The following ATF6 variants were observed in gnomAD, a reference collection of about 807,000 sequenced individuals.
The protein encoded by ATF6 is cyclic AMP-dependent transcription factor ATF-6 alpha.
In ATF6, 53 loss-of-function variants were observed where a neutral mutation model predicts 83.6. The ratio of observed to expected loss-of-function variants is 0.63; its 90% CI spans 0.51 to 0.80. ATF6 has a LOEUF of 0.80. Among genes scored for constraint, ATF6 ranks in the 30% least tolerant of loss-of-function variants. The probability of loss-of-function intolerance (pLI) is 0.00; values close to 1 mark genes in which losing one functional copy is unlikely to be tolerated. For synonymous variants in ATF6, 288 were observed against 285.8 expected, an observed-to-expected ratio of 1.01 and a Z score of -0.08; for missense variants, 744 against 797.9, an observed-to-expected ratio of 0.93 and a Z score of 0.81.
At chr1:161,917,854 T>C (rs144059940) in intron 15 of ATF6, among the ~76,000 whole-genome samples, 4 of 152,194 alleles carry the variant, frequency 2.6e-5, no homozygotes, top group African/African-American at 9.7e-5. Flanking sequence ...TTGGAGCAAT[T>C]TGGATTTCAG....
At chr1:161,777,259 C>G (rs752545780) in intron 1 of ATF6, among the ~76,000 whole-genome samples, 1 of 152,166 alleles carries the variant, frequency 6.6e-6, no homozygotes. Flanking sequence ...AAGCCGCAGT[C>G]CTCTGCTTAT....
intron 7 of ATF6, among the ~76,000 whole-genome samples, chr1:161,818,100 CA>C (rs778851235): frequency 0.025 from 1,963 of 79,724 alleles, 32 homozygotes; most frequent in African/African-American, 0.079. Flanking sequence ...GACTCCATCT[CA>C]AAAAAAAAAA....
At chr1:161,926,894 A>C (rs1029426027) in intron 15 of ATF6, among the ~76,000 whole-genome samples, 21 of 148,302 alleles carry the variant, frequency 1.4e-4, no homozygotes, top group African/African-American at 4.9e-4. Flanking sequence ...CCACCATTCT[A>C]AATGTCAAGT....
intron 14 of ATF6, among the ~76,000 whole-genome samples, chr1:161,878,570 T>C (rs1187490593): frequency 2.0e-5 from 3 of 150,658 alleles, no homozygotes; most frequent in Admixed American, 6.6e-5. Flanking sequence ...AGATTTTGAA[T>C]TGGAGAAGGA....
chr1:161,873,071 A>C (rs976835851), intron 14 of ATF6, among the ~76,000 whole-genome samples: 2 of 151,564 alleles, frequency 1.3e-5, no homozygotes, highest in African/African-American at 2.4e-5. Flanking sequence ...GCATGGAGAA[A>C]GTTGAACAGT....
At chr1:161,950,953 T>TAA in intron 15 of ATF6, among the ~76,000 whole-genome samples, 1 of 152,336 alleles carries the variant, frequency 6.6e-6, no homozygotes, top group East Asian at 1.9e-4. Flanking sequence ...CTCCCACAGT[T>TAA]GTGGGCAGCA....
chr1:161,917,577 C>T lies in ATF6; in HGVS notation c.1804+5197C>T, dbSNP rs369639755. Among the ~76,000 whole-genome samples, 112 of 152,230 alleles carry T rather than the reference C, an allele frequency of 7.4e-4. 6 individuals carry two copies. In the South Asian group the frequency reaches 0.022, roughly 30 times the overall value. ...CTGGGACTACAGGCGCCTGCCACCA[C>T]GCCCGGCTAATTTTTTGTATTTTCA... On this transcript the variant is annotated intron_variant, in intron 15 of 15. Transcript: ENST00000367942.
chr1:161,821,350 T>A (rs1051900658), intron 9 of ATF6, among the ~76,000 whole-genome samples, 189 bp downstream of exon 9: 23 of 152,220 alleles, frequency 1.5e-4, no homozygotes, highest in African/African-American at 5.1e-4. Flanking sequence ...GAAGGATGAC[T>A]ATGGTATAAT....
intron 4 of ATF6, among the ~76,000 whole-genome samples, chr1:161,785,180 G>A (rs1007825371): frequency 2.0e-5 from 3 of 152,260 alleles, no homozygotes; most frequent in Admixed American, 2.0e-4. Context: ...CCAGATGCTG[G>A]CAGTGAACAA....
intron 14 of ATF6, among the ~76,000 whole-genome samples, chr1:161,907,107 G>A (rs1191845829): frequency 6.6e-6 from 1 of 152,054 alleles, no homozygotes; most frequent in Admixed American, 6.5e-5. Flanking sequence ...TTTTGATCAG[G>A]AATTACTATA....
chr1:161,767,401 T>C (rs1002216772), intron 1 of ATF6, among the ~76,000 whole-genome samples: 2 of 152,222 alleles, frequency 1.3e-5, no homozygotes, highest in Non-Finnish European at 2.9e-5. Context: ...CTATTGGAGA[T>C]TTATTTTAAT....
At position 161,961,163 on chromosome 1, in the gene ATF6, C is replaced by T. The variant is rs529127193; in HGVS notation, c.*2509C>T. 2 of 152,248 alleles carry T rather than the reference C, an allele frequency of 1.3e-5. No individual in the cohort carries two copies. The highest frequency in any genetic ancestry group is 4.8e-5 in the African/African-American group (2 of 41,456). The allele number at this position is 152,248 out of a possible 1,614,324, so 9.4% of individuals were successfully genotyped here. A position where few individuals can be genotyped will look rare whatever the true frequency, so the allele number is the denominator to read the frequency against. On this transcript the variant is annotated 3_prime_UTR_variant, in exon 16 of 16. Coordinates refer to ENST00000367942, the MANE Select transcript of ATF6 (RefSeq NM_007348.4). Reference sequence around the variant, plus strand: ...ACTTTGGTTATGTCATACTCACCAACGTTAGTCCCTCTCTTCCAGGTGAAA... The same window carrying T: ...ACTTTGGTTATGTCATACTCACCAATGTTAGTCCCTCTCTTCCAGGTGAAA...
chr1:161,853,792 G>T (rs866757898), intron 12 of ATF6, among the ~76,000 whole-genome samples: 11 of 152,316 alleles, frequency 7.2e-5, no homozygotes, highest in South Asian at 4.1e-4. Context: ...AATCTGTTAA[G>T]TGGGGGTTCC....
chr1:161,812,601 C>A (rs981074941), intron 7 of ATF6, among the ~76,000 whole-genome samples: 2 of 151,568 alleles, frequency 1.3e-5, no homozygotes, highest in Non-Finnish European at 2.9e-5. Flanking sequence ...CCGTTTTTAG[C>A]CGGGATGGTC....
intron 7 of ATF6, among the ~76,000 whole-genome samples, chr1:161,804,424 T>A (rs948405498): frequency 2.0e-5 from 3 of 151,932 alleles, no homozygotes; most frequent in Admixed American, 2.0e-4. Flanking sequence ...GGGGAGAGTA[T>A]CTAGAAACCA....
intron 15 of ATF6, among the ~76,000 whole-genome samples, chr1:161,925,908 GA>G (rs1688301932): frequency 1.3e-5 from 2 of 152,286 alleles, no homozygotes; most frequent in African/African-American, 4.8e-5. Flanking sequence ...ATCAGAGAAA[GA>G]AAAGTACTTA....
rs371055112 is a variant in ATF6 at position 161,912,258 on chromosome 1, A to G, written c.1720-38A>G. ...TTTGGCCTGTTCTAGGACTAAGCCA[A>G]TTGTTATATATAACAGATTGTTCTT... On this transcript the variant is annotated intron_variant, in intron 14 of 15. Transcript: ENST00000367942. The G allele has an allele frequency of 8.7e-6, 13 of 1,497,072 alleles. No homozygotes were observed. The African/African-American group carries it at 1.1e-4, about 13-fold the overall frequency. 92.7% of individuals were successfully genotyped at this position (1,497,072 alleles called of 1,614,324 possible).
chr1:161,773,140 A>ATTT (rs759769528), intron 1 of ATF6, among the ~76,000 whole-genome samples: 3 of 130,078 alleles, frequency 2.3e-5, no homozygotes, highest in Non-Finnish European at 4.9e-5. Flanking sequence ...TACTTTTTGT[A>ATTT]TTTTTTTTTT....
chr1:161,834,574 A>G (rs1571173818), intron 9 of ATF6, among the ~76,000 whole-genome samples: 1 of 144,942 alleles, frequency 6.9e-6, no homozygotes, highest in African/African-American at 2.5e-5. Context: ...GAATTGAACA[A>G]TGAGAACACA....
Sources: gnomAD v4.1 joint callset for allele counts (sites outside exome capture counted in the v4.1 genomes callset) on GRCh38, gnomAD v4.1.1 for gene constraint, MANE v1.5 for transcripts, NCBI Gene and HGNC (gene_info 2026-07-23, HGNC 2026-07-21) for gene names.